C11orf54: variants seen among roughly 807,000 people sequenced by gnomAD.
C11orf54 encodes the protein beta-keto L-gulonate decarboxylase.
C11orf54 carries 29 observed loss-of-function variants against 35.5 expected under a neutral mutation model. The ratio of observed to expected loss-of-function variants is 0.82; its 90% CI spans 0.61 to 1.11. The LOEUF is 1.11. Among genes scored for constraint, C11orf54 ranks in the 50% most tolerant of loss-of-function variants. The pLI is 0.00. For synonymous variants in C11orf54, 108 were observed against 121.1 expected (o/e 0.89, Z 0.71); for missense variants, 373 against 369.2 (o/e 1.01, Z -0.08).
intron 2 of C11orf54, 94 bp downstream of exon 2, chr11:93,747,542 T>C (rs624856): frequency 0.62 from 490,004 of 795,850 alleles, 154,226 homozygotes; most frequent in Admixed American, 0.72. Context: ...TTACTACTTA[T>C]GTATATCTAT....
At chr11:93,751,745 T>G (rs181048001) in intron 3 of C11orf54, among the ~76,000 whole-genome samples, 3 of 151,108 alleles carry the variant, frequency 2.0e-5, no homozygotes, top group Non-Finnish European at 4.4e-5. Context: ...TTTCCCCTGC[T>G]AATTAAGTAA....
rs374846559 is a variant in C11orf54, at chr11:93,756,190, AG to A, written c.507+805del. Among the ~76,000 whole-genome samples, 428 of 95,428 alleles carry A rather than the reference AG, an allele frequency of 4.5e-3. 12 individuals carry two copies. Among genetic ancestry groups the A allele is most frequent in the African/African-American group, 9.9e-3 (272 of 27,602 alleles). 62.6% of individuals were successfully genotyped at this position (95,428 alleles called of 152,430 possible). A position where few individuals can be genotyped will look rare whatever the true frequency, so the allele number is the denominator to read the frequency against. On this transcript the variant is annotated intron_variant, in intron 6 of 8. Transcript: ENST00000354421. The stretch of plus-strand genomic sequence containing the variant: ...TCCAAAAAAAAAAAAAAAAAAAAAA[AG>A]AATAGTATGGCTGGCACAATGGCTT...
In C11orf54 at chr11:93,761,593, C is replaced by G. The variant is rs1453444105; in HGVS notation, c.853C>G (p.Pro285Ala). Reference sequence around the variant, plus strand: ...TGGACACTACCATTATGACACTACTCCAGATATAGTGGAATATCTTGGATA... The same window carrying G: ...TGGACACTACCATTATGACACTACTGCAGATATAGTGGAATATCTTGGATA... ...EGGHYHYDTT[P>A]DIVEYLGYFL... Residue 285 changes from proline to alanine, a missense_variant, in exon 9 of 9, where the codon CCA becomes GCA. Coordinates refer to ENST00000354421, the MANE Select transcript of C11orf54 (RefSeq NM_001286069.2). The G allele has an allele frequency of 1.9e-6, 3 of 1,613,426 alleles. No homozygotes were observed. In the South Asian group the frequency reaches 3.3e-5, roughly 18 times the overall value.
At position 93,759,722 on chromosome 11, in the gene C11orf54, G is replaced by C. The variant is rs115203719; in HGVS notation, c.658-20G>C. Reference sequence around the variant, plus strand: ...AGTAATATTCAGTATGTTTACCTATGTAATTATCTTTTGTTGTAGCCTGCA... The same window carrying C: ...AGTAATATTCAGTATGTTTACCTATCTAATTATCTTTTGTTGTAGCCTGCA... On this transcript the variant is annotated intron_variant, in intron 7 of 8. Coordinates refer to ENST00000354421, the MANE Select transcript of C11orf54 (RefSeq NM_001286069.2). 3.3e-4 allele frequency: 452 copies of C among 1,370,424 alleles called. No homozygotes were observed. In the African/African-American group the frequency reaches 5.6e-3, roughly 17 times the overall value. 84.9% of individuals were successfully genotyped at this position (1,370,424 alleles called of 1,614,324 possible). A position where few individuals can be genotyped will look rare whatever the true frequency, so the allele number is the denominator to read the frequency against.
At chr11:93,750,297 G>A (rs1214528735) in intron 2 of C11orf54, 49 bp from the exon 3 acceptor site, 5 of 1,502,518 alleles carry the variant, frequency 3.3e-6, no homozygotes, top group Non-Finnish European at 4.6e-6. Context: ...ATACGTGGTA[G>A]CCAAGTTTTT....
At chr11:93,755,493 A>G in intron 6 of C11orf54, 107 bp downstream of exon 6, 1 of 1,300,354 alleles carries the variant, frequency 7.7e-7, no homozygotes, top group Non-Finnish European at 1.0e-6. Context: ...TTAGTTTCCC[A>G]CTTTGGGAGG....
chr11:93,742,268 G>C (rs935917458), intron 1 of C11orf54: 2 of 152,204 alleles, frequency 1.3e-5, no homozygotes, highest in Admixed American at 6.6e-5. Flanking sequence ...TTTTGGTGGG[G>C]TTTTTTTCTC....
chr11:93,743,876 G>A (rs1942302872), intron 1 of C11orf54, among the ~76,000 whole-genome samples: 1 of 152,128 alleles, frequency 6.6e-6, no homozygotes. Context: ...CAATTAGGCA[G>A]GAAAATACTG....
At chr11:93,747,972 C>T (rs983301728) in intron 2 of C11orf54, among the ~76,000 whole-genome samples, 2 of 152,106 alleles carry the variant, frequency 1.3e-5, no homozygotes, top group Non-Finnish European at 2.9e-5. Context: ...AAAACAAAAA[C>T]GAGTACAAAA....
At chr11:93,758,741 G>GAGC (rs1438955752) in intron 7 of C11orf54, among the ~76,000 whole-genome samples, 1 of 152,264 alleles carries the variant, frequency 6.6e-6, no homozygotes, top group Non-Finnish European at 1.5e-5. Context: ...CGGCGGCTGA[G>GAGC]AGCAGCTCCC....
chr11:93,751,399 G>GTTTTTTTTTTTTTTTTTTTTTT, intron 3 of C11orf54, among the ~76,000 whole-genome samples: 1 of 74,708 alleles, frequency 1.3e-5, no homozygotes, highest in Non-Finnish European at 2.5e-5. Flanking sequence ...CTTTTTTATA[G>GTTTTTTTTTTTTTTTTTTTTTT]TTTTTTTTTT....
chr11:93,754,115 C>G, intron 5 of C11orf54, 78 bp downstream of exon 5: 1 of 1,230,202 alleles, frequency 8.1e-7, no homozygotes, highest in Non-Finnish European at 1.2e-6. Context: ...TGCCAAAAAT[C>G]CTACTTTCTG....
chr11:93,753,368 T>TA (rs397828224), intron 3 of C11orf54, among the ~76,000 whole-genome samples: 12 of 152,124 alleles, frequency 7.9e-5, no homozygotes, highest in Non-Finnish European at 1.6e-4. Flanking sequence ...AGATTTTTTT[T>TA]AAAGAAATAA....
At chr11:93,758,344 C>G (rs1293984493) in intron 7 of C11orf54, among the ~76,000 whole-genome samples, 1 of 152,242 alleles carries the variant, frequency 6.6e-6, no homozygotes, top group Non-Finnish European at 1.5e-5. Flanking sequence ...GGCGAGAGCC[C>G]CAACTGCCCA....
chr11:93,746,930 A>G (rs1355253813), intron 1 of C11orf54: 2 of 152,486 alleles, frequency 1.3e-5, no homozygotes, highest in African/African-American at 4.8e-5. Context: ...TTCAAGACCT[A>G]TATTCCTTAG....
chr11:93,752,186 T>C (rs1042864469), intron 3 of C11orf54, among the ~76,000 whole-genome samples: 6 of 152,132 alleles, frequency 3.9e-5, no homozygotes, highest in Non-Finnish European at 1.5e-5. Context: ...GAGTTATGCT[T>C]GGAAGAAGTG....
At position 93,764,711 on chromosome 11, in the gene C11orf54, T is replaced by C. The variant is rs959993263; in HGVS notation, c.*3023T>C. On this transcript the variant is annotated 3_prime_UTR_variant, in exon 9 of 9. Transcript: ENST00000354421. ...GATCTGCCCGTCTCAGCCTCTCAAA[T>C]TGCTGGGATTACAGGCATGAGGCAC... 1.3e-5 allele frequency: 2 copies of C among 152,020 alleles called. No homozygotes were observed. The highest frequency in any genetic ancestry group is 1.3e-4 in the Admixed American group (2 of 15,246). 9.4% of individuals were successfully genotyped at this position (152,020 alleles called of 1,614,324 possible).
chr11:93,747,519 A>G, intron 2 of C11orf54, 71 bp downstream of exon 2: 2 of 1,122,358 alleles, frequency 1.8e-6, no homozygotes, highest in Non-Finnish European at 2.5e-6. Context: ...AGATTCTAAG[A>G]TCTATCTATA....
Position 93,756,918 on chromosome 11 carries a change from G to A in C11orf54, c.508-398G>A, listed in dbSNP as rs183281910. Among the ~76,000 whole-genome samples the A allele has an allele frequency of 1.4e-3, 210 of 152,210 alleles. 1 individual carries two copies. The highest frequency in any genetic ancestry group is 2.5e-3 in the Non-Finnish European group (172 of 68,014). On this transcript the variant is annotated intron_variant, in intron 6 of 8. Transcript: ENST00000354421. ...AGAATTTTAAGGGAAGTGAGAAAAT[G>A]TAATCATTTTCTCCTCATCCCCACT...
Sources: allele counts gnomAD v4.1 joint callset (sites outside exome capture counted in the v4.1 genomes callset), GRCh38; gene constraint gnomAD v4.1.1; transcripts MANE v1.5; gene names NCBI Gene and HGNC (gene_info 2026-07-23, HGNC 2026-07-21).